TEX36: variants seen among roughly 807,000 people sequenced by gnomAD.
The protein encoded by TEX36 is testis-expressed protein 36.
In TEX36, 12 loss-of-function variants were observed where a neutral mutation model predicts 13.6. The ratio of observed to expected loss-of-function variants is 0.88; its 90% confidence interval spans 0.56 to 1.43. The LOEUF is 1.43. TEX36 is among the 40% of genes most tolerant of loss of function. The probability of loss-of-function intolerance (pLI) is 0.00; values close to 1 mark genes in which losing one functional copy is unlikely to be tolerated. For synonymous variants in TEX36, 93 were observed against 83.0 expected, an observed-to-expected ratio of 1.12 and a Z score of -0.65; for missense variants, 224 against 228.3, an observed-to-expected ratio of 0.98 and a Z score of 0.12.
intron 3 of TEX36, among the ~76,000 whole-genome samples, chr10:125,614,764 G>A (rs1309721981): frequency 1.3e-5 from 2 of 152,198 alleles, no homozygotes; most frequent in Non-Finnish European, 2.9e-5. Flanking sequence ...TGGCGATGCA[G>A]GCTCTTTTTT....
downstream of TEX36, among the ~76,000 whole-genome samples, chr10:125,620,690 G>T (rs1846419247): frequency 6.6e-6 from 1 of 152,138 alleles, no homozygotes; most frequent in African/African-American, 2.4e-5. Flanking sequence ...CTTCAGTAGT[G>T]TTAAGCTTAT....
chr10:125,637,486 G>C (rs1422175671), intron 3 of TEX36, among the ~76,000 whole-genome samples: 1 of 152,066 alleles, frequency 6.6e-6, no homozygotes, highest in African/African-American at 2.4e-5. Context: ...TTCACCTGTT[G>C]ACCGGATGTC....
downstream of TEX36, among the ~76,000 whole-genome samples, chr10:125,653,973 A>G (rs1331510213): frequency 6.6e-6 from 1 of 152,174 alleles, no homozygotes; most frequent in Non-Finnish European, 1.5e-5. Flanking sequence ...TGTCTCTTAA[A>G]AAGAAAAGAA....
chr10:125,666,990 C>T, intron 1 of TEX36: 3 of 1,385,914 alleles, frequency 2.2e-6, no homozygotes, highest in Non-Finnish European at 2.0e-6. Flanking sequence ...CTTGACTCCT[C>T]CTGGGCAGCC....
chr10:125,647,075 T>C (rs562241650), intron 3 of TEX36, among the ~76,000 whole-genome samples: 2 of 152,150 alleles, frequency 1.3e-5, no homozygotes, highest in South Asian at 4.1e-4. Context: ...ACAAATAGAG[T>C]TTGTCCCAAG....
At chr10:125,679,040 C>T (rs1847353712) in intron 1 of TEX36, among the ~76,000 whole-genome samples, 1 of 151,846 alleles carries the variant, frequency 6.6e-6, no homozygotes, top group Non-Finnish European at 1.5e-5. Context: ...GGGGAACACA[C>T]ATCCCTCTCA....
chr10:125,634,078 G>A (rs187137910), intron 3 of TEX36, among the ~76,000 whole-genome samples: 6 of 151,970 alleles, frequency 3.9e-5, no homozygotes, highest in Admixed American at 3.3e-4. Flanking sequence ...TTTTGTTTTT[G>A]CCCAGATGTT....
chr10:125,661,074 A>T lies in TEX36; in HGVS notation c.211T>A (p.Ser71Thr). ...KQAVNNQFPF[S>T]VHDNRHSLEN... is the part of the protein sequence containing the mutation. ...AAGCTGTGCCGATTGTCATGCACGG[A>T]GAAGGGGAACTGGTTATTCACTGCT... The change falls in exon 3 of 4, where the codon TCC becomes ACC. Residue 71 changes from serine to threonine, a missense_variant. Physicochemically the swap from Ser to Thr is moderately conservative, Grantham distance 58. Coordinates refer to ENST00000368821, the MANE Select transcript of TEX36 (RefSeq NM_001128202.3). 1 of 1,552,040 alleles carries T rather than the reference A, an allele frequency of 6.4e-7. No individual in the cohort carries two copies.
chr10:125,608,751 C>G (rs963701006), intron 3 of TEX36, among the ~76,000 whole-genome samples: 5 of 152,048 alleles, frequency 3.3e-5, no homozygotes, highest in Non-Finnish European at 5.9e-5. Flanking sequence ...TTGGAGTTGA[C>G]AGTCTAGAGA....
rs139045597 is a variant in TEX36 at position 125,632,491 on chromosome 10, A to G, written c.265-10846T>C. 4.7e-4 allele frequency among the ~76,000 whole-genome samples: 71 copies of G among 152,262 alleles called. No homozygotes were observed. The East Asian group carries it at 0.01, about 22-fold the overall frequency. On this transcript the variant is annotated intron_variant, in intron 3 of 3. Transcript: ENST00000526819. The stretch of plus-strand genomic sequence containing the variant: ...TAGCTGGATAAACGGCTCTCTACAT[A>G]AGGGACTGGCCCACAAAATGCGTTC...
intron 3 of TEX36, among the ~76,000 whole-genome samples, chr10:125,607,402 G>T (rs1846227620): frequency 6.6e-6 from 1 of 152,180 alleles, no homozygotes; most frequent in African/African-American, 2.4e-5. Flanking sequence ...CAGACTGCCT[G>T]GTGGTTTTGC....
intron 1 of TEX36, chr10:125,667,505 T>C (rs960289935): frequency 1.4e-6 from 1 of 728,908 alleles, no homozygotes; most frequent in East Asian, 2.7e-5. Flanking sequence ...CAGAACACAA[T>C]GCCACTTGGT....
intron 3 of TEX36, chr10:125,576,963 T>C: frequency 1.3e-6 from 2 of 1,496,352 alleles, no homozygotes; most frequent in Non-Finnish European, 9.0e-7. Context: ...GGGGGCCTTA[T>C]TCTCCCTGCC....
chr10:125,674,851 C>T (rs1397177819), intron 1 of TEX36, among the ~76,000 whole-genome samples: 2 of 152,250 alleles, frequency 1.3e-5, no homozygotes, highest in East Asian at 3.8e-4. Context: ...CCAGCAGGAA[C>T]ACTCCTGTGT....
At chr10:125,669,245 C>T (rs1312152270) in intron 1 of TEX36, among the ~76,000 whole-genome samples, 2 of 152,012 alleles carry the variant, frequency 1.3e-5, no homozygotes, top group Admixed American at 6.6e-5. Flanking sequence ...GAGCAGAGAT[C>T]GCACCACTGC....
chr10:125,623,554 C>T (rs975506110), intron 3 of TEX36, among the ~76,000 whole-genome samples: 4 of 151,326 alleles, frequency 2.6e-5, no homozygotes, highest in Non-Finnish European at 4.4e-5. Flanking sequence ...TCGGAAATAT[C>T]CCCAGGATTG....
At chr10:125,681,847 C>T (rs199577609) in intron 1 of TEX36, among the ~76,000 whole-genome samples, 3 of 152,170 alleles carry the variant, frequency 2.0e-5, no homozygotes, top group East Asian at 1.9e-4. Context: ...TGGTCTTCTA[C>T]CCTTGGTACA....
At chr10:125,590,386 G>T (rs961245582) in intron 3 of TEX36, among the ~76,000 whole-genome samples, 2 of 152,124 alleles carry the variant, frequency 1.3e-5, no homozygotes, top group Admixed American at 1.3e-4. Flanking sequence ...AAAGTGCTGG[G>T]ATAACAGATG....
chr10:125,587,167 C>A (rs898096638), intron 3 of TEX36, among the ~76,000 whole-genome samples: 1 of 152,052 alleles, frequency 6.6e-6, no homozygotes, highest in Non-Finnish European at 1.5e-5. Flanking sequence ...CATAAATTAC[C>A]CAATTTCAGG....
Sources: gnomAD v4.1 joint callset for allele counts (sites outside exome capture counted in the v4.1 genomes callset) on GRCh38, gnomAD v4.1.1 for gene constraint, MANE v1.5 for transcripts, NCBI Gene and HGNC (gene_info 2026-07-23, HGNC 2026-07-21) for gene names.